EHMT1: variants seen among roughly 807,000 people sequenced by gnomAD.
The protein encoded by EHMT1 is euchromatic histone lysine methyltransferase 1.
A neutral mutation model predicts 147.2 loss-of-function variants in EHMT1; 15 were observed. The observed-to-expected ratio is 0.10, with a 90% CI of 0.07 to 0.16. The LOEUF is 0.16. Ranked by LOEUF, EHMT1 falls within the 10% of genes least tolerant of loss-of-function variation. The pLI, the probability that EHMT1 is intolerant of heterozygous loss-of-function variation, is 1.00. For missense variants in EHMT1, 1,587 were observed against 1,772.4 expected (o/e 0.90, Z 1.88); for synonymous variants, 795 against 709.6 (o/e 1.12, Z -1.91).
intron 1 of EHMT1, among the ~76,000 whole-genome samples, chr9:137,628,733 G>GGTGATGTTT (rs1002160981): frequency 2.6e-5 from 4 of 152,336 alleles, no homozygotes; most frequent in Admixed American, 1.3e-4. Flanking sequence ...GGCCAGCAAG[G>GGTGATGTTT]GTGATGTTTG....
At chr9:137,744,114 C>T (rs755364834) in intron 6 of EHMT1, 24 bp downstream of exon 6, 1 of 1,613,228 alleles carries the variant, frequency 6.2e-7, no homozygotes, top group Non-Finnish European at 8.5e-7. Context: ...TCTTGGGTGA[C>T]AGCACAAGGA....
intron 5 of EHMT1, 96 bp downstream of exon 5, chr9:137,743,624 C>T (rs1050141497): frequency 9.6e-6 from 15 of 1,566,302 alleles, no homozygotes; most frequent in Middle Eastern, 1.7e-4. Flanking sequence ...CCTCAGTCCC[C>T]GGGAAGGTGC....
intron 25 of EHMT1, among the ~76,000 whole-genome samples, chr9:137,824,122 T>A (rs1447540315): frequency 1.3e-5 from 2 of 152,166 alleles, no homozygotes; most frequent in Admixed American, 1.3e-4. Context: ...AAAATGCAAG[T>A]TAAGGCCAGA....
rs112649001 is a variant in EHMT1 at position 137,775,267 on chromosome 9, C to T, written c.1791+15C>T. ...TCTGCACAGCGGTAAGAGCCCAGTC[C>T]GGCAGCCTCTGAGTCCTCCGCAGGC... is the stretch of plus-strand genomic sequence containing the variant. On this transcript the variant is annotated intron_variant, in intron 11 of 26. Transcript: ENST00000460843. The surrounding 1 kb of genome is among the most constrained non-coding windows in gnomAD (Gnocchi z 6.1). 13 of 1,607,344 alleles carry T rather than the reference C, an allele frequency of 8.1e-6. No individual in the cohort carries two copies. Among genetic ancestry groups the T allele is most frequent in the African/African-American group, 1.3e-5 (1 of 74,992 alleles).
chr9:137,830,213 T>A (rs1457444232), intron 25 of EHMT1, among the ~76,000 whole-genome samples: 1 of 152,166 alleles, frequency 6.6e-6, no homozygotes, highest in Non-Finnish European at 1.5e-5. Flanking sequence ...GGCGAGCCCG[T>A]CTCCTTTGGT....
At position 137,646,156 on chromosome 9, in the gene EHMT1, C is replaced by T. The variant is rs1003631245; in HGVS notation, c.21+27107C>T. ...TGTATTTTAAATAGGGATGGGATTT[C>T]TCCATGTTGGCCAGGCTGGTCTTGA... is the stretch of plus-strand genomic sequence containing the variant. On this transcript the variant is annotated intron_variant, in intron 1 of 26. Transcript: ENST00000460843. 2.0e-5 allele frequency among the ~76,000 whole-genome samples: 3 copies of T among 152,258 alleles called. No individual in the cohort carries two copies. In the South Asian group the frequency reaches 6.2e-4, roughly 32 times the overall value.
At chr9:137,760,070 A>T (rs1949687456) in intron 9 of EHMT1, among the ~76,000 whole-genome samples, 1 of 152,196 alleles carries the variant, frequency 6.6e-6, no homozygotes, top group Admixed American at 6.5e-5. Context: ...ACCCAGCAGC[A>T]ACAGGAGGCA....
At chr9:137,812,867 G>A in intron 19 of EHMT1, 139 bp from the exon 20 acceptor site, 1 of 1,198,474 alleles carries the variant, frequency 8.3e-7, no homozygotes, top group African/African-American at 1.5e-5. Context: ...AGTCATTGCT[G>A]AGCAGACTTG....
chr9:137,723,119 C>CTGTGGTT (rs1946239681), intron 3 of EHMT1, among the ~76,000 whole-genome samples: 3 of 136,944 alleles, frequency 2.2e-5, no homozygotes, highest in Non-Finnish European at 4.8e-5. Flanking sequence ...GTGTCTGTGT[C>CTGTGGTT]CGTGGTTCTG....
intron 1 of EHMT1, among the ~76,000 whole-genome samples, chr9:137,639,408 G>A (rs1844321161): frequency 6.6e-6 from 1 of 152,174 alleles, no homozygotes; most frequent in Admixed American, 6.5e-5. Flanking sequence ...GTTATTGAGA[G>A]TAGAGTATGA....
intron 5 of EHMT1, 112 bp downstream of exon 5, chr9:137,743,640 C>T: frequency 6.8e-7 from 1 of 1,477,872 alleles, no homozygotes; most frequent in Non-Finnish European, 9.4e-7. Context: ...GGTGCCAGTG[C>T]CATGAAGCTC....
At chr9:137,640,759 A>AT (rs1844424681) in intron 1 of EHMT1, among the ~76,000 whole-genome samples, 1 of 152,238 alleles carries the variant, frequency 6.6e-6, no homozygotes, top group African/African-American at 2.4e-5. Flanking sequence ...TGTTGATTCC[A>AT]TACAAGTTTG....
intron 9 of EHMT1, among the ~76,000 whole-genome samples, chr9:137,761,079 G>A (rs1006431924): frequency 4.6e-5 from 7 of 152,212 alleles, no homozygotes; most frequent in Non-Finnish European, 7.3e-5. Context: ...ATTCATGAAC[G>A]AGGCAGCTCC....
intron 1 of EHMT1, among the ~76,000 whole-genome samples, chr9:137,681,563 A>G (rs1941940342): frequency 6.6e-6 from 1 of 152,066 alleles, no homozygotes; most frequent in African/African-American, 2.4e-5. Context: ...CTGCCTTGGT[A>G]TTTCTAATTT....
At chr9:137,816,092 C>A in intron 23 of EHMT1, 30 bp downstream of exon 23, 1 of 1,584,492 alleles carries the variant, frequency 6.3e-7, no homozygotes, top group Non-Finnish European at 8.6e-7. Flanking sequence ...CGGAGCCCCA[C>A]ATTCTGCTCG....
At position 137,732,881 on chromosome 9, in the gene EHMT1, T is replaced by C. The variant is rs1362566150; in HGVS notation, c.823+4352T>C. ...AAAGGCTGAGATTTCTTGTCACGTC[T>C]TTCTGTTAATTTTTAATTACTGTGG... On this transcript the variant is annotated intron_variant, in intron 4 of 26. Coordinates refer to ENST00000460843, the MANE Select transcript of EHMT1 (RefSeq NM_024757.5). This position sits in a 1 kb window ranked among gnomAD's most constrained non-coding sequence, Gnocchi z 4.6. Among the ~76,000 whole-genome samples the C allele has an allele frequency of 6.6e-6, 1 of 152,216 alleles. No homozygotes were observed. The highest frequency in any genetic ancestry group is 1.5e-5 in the Non-Finnish European group (1 of 68,042).
At chr9:137,656,508 A>G (rs915302219) in intron 1 of EHMT1, among the ~76,000 whole-genome samples, 4 of 152,240 alleles carry the variant, frequency 2.6e-5, no homozygotes, top group African/African-American at 9.6e-5. Context: ...CCTAATCAAC[A>G]CAGGCTCCTG....
chr9:137,801,558 G>A (rs1953489779), intron 18 of EHMT1, among the ~76,000 whole-genome samples: 1 of 152,184 alleles, frequency 6.6e-6, no homozygotes. Flanking sequence ...GAGTGCAGTG[G>A]TGTGATCTCA....
At chr9:137,719,483 C>T (rs908910990) in intron 3 of EHMT1, among the ~76,000 whole-genome samples, 2 of 152,212 alleles carry the variant, frequency 1.3e-5, no homozygotes, top group African/African-American at 4.8e-5. Context: ...GTGCGGACAA[C>T]TGCCCTAGCC....
Sources: gnomAD v4.1 joint callset for allele counts (sites outside exome capture counted in the v4.1 genomes callset) on GRCh38, gnomAD v4.1.1 for gene constraint, Gnocchi (gnomAD v3.1) non-coding constraint, MANE v1.5 for transcripts, NCBI Gene and HGNC (gene_info 2026-07-23, HGNC 2026-07-21) for gene names.